Variants in TFG observed in about 807,000 individuals in gnomAD.
The protein encoded by TFG is trafficking from ER to golgi regulator.
TFG carries 22 observed loss-of-function variants against 51.4 expected under a neutral mutation model. The ratio of observed to expected loss-of-function variants is 0.43; its 90% CI spans 0.31 to 0.61. TFG has a LOEUF of 0.61. Ranked by LOEUF, TFG falls within the 20% of genes least tolerant of loss-of-function variation. The pLI, the probability that TFG is intolerant of heterozygous loss-of-function variation, is 0.12. For synonymous variants in TFG, 187 were observed against 165.6 expected (o/e 1.13, Z -0.99); for missense variants, 419 against 487.7 (o/e 0.86, Z 1.33).
At chr3:100,739,634 A>G (rs2095115894) in intron 6 of TFG, among the ~76,000 whole-genome samples, 1 of 152,212 alleles carries the variant, frequency 6.6e-6, no homozygotes, top group Non-Finnish European at 1.5e-5. Flanking sequence ...TAAATATTGA[A>G]ACATACATAG....
In TFG at chr3:100,720,161, A is replaced by C. The variant is rs181736342; in HGVS notation, c.268+103A>C. On this transcript the variant is annotated intron_variant, in intron 3 of 7. Transcript: ENST00000240851. ...GACTCAGGTAAGCAATAACTTATTCAAATATTATTACATTTATTTGTGTTC... is the reference window on the plus strand; with the variant it reads ...GACTCAGGTAAGCAATAACTTATTCCAATATTATTACATTTATTTGTGTTC... 12 of 633,538 alleles carry C rather than the reference A, an allele frequency of 1.9e-5. No homozygotes were observed. The East Asian group carries it at 3.7e-4, about 19-fold the overall frequency. 39.2% of individuals were successfully genotyped at this position (633,538 alleles called of 1,614,324 possible). A position where few individuals can be genotyped will look rare whatever the true frequency, so the allele number is the denominator to read the frequency against.
chr3:100,722,547 G>C (rs1171486187), intron 3 of TFG, among the ~76,000 whole-genome samples: 1 of 152,176 alleles, frequency 6.6e-6, no homozygotes, highest in Non-Finnish European at 1.5e-5. Flanking sequence ...CTTGAGCAGG[G>C]ATAAGTAAAA....
At chr3:100,712,636 C>T (rs2095034258) in intron 1 of TFG, among the ~76,000 whole-genome samples, 1 of 152,128 alleles carries the variant, frequency 6.6e-6, no homozygotes, top group Admixed American at 6.6e-5. Context: ...TGACTGTTGT[C>T]TGCTAGGCAC....
intron 3 of TFG, among the ~76,000 whole-genome samples, chr3:100,722,022 G>T (rs183606004): frequency 6.6e-6 from 1 of 152,166 alleles, no homozygotes; most frequent in African/African-American, 2.4e-5. Context: ...GTAGTGGTGT[G>T]TGCCTGTAGT....
chr3:100,740,098 G>A (rs1263676284), intron 6 of TFG, among the ~76,000 whole-genome samples: 1 of 149,232 alleles, frequency 6.7e-6, no homozygotes, highest in East Asian at 2.1e-4. Flanking sequence ...TTTTCTAATA[G>A]CCATTAGAAA....
chr3:100,731,520 T>A (rs1334349976), intron 4 of TFG, among the ~76,000 whole-genome samples: 1 of 152,180 alleles, frequency 6.6e-6, no homozygotes, highest in Non-Finnish European at 1.5e-5. Context: ...TTATAATGAA[T>A]CCCAGAAACC....
At chr3:100,724,101 A>G (rs2095068382) in intron 3 of TFG, among the ~76,000 whole-genome samples, 1 of 152,180 alleles carries the variant, frequency 6.6e-6, no homozygotes, top group Non-Finnish European at 1.5e-5. Context: ...AGAGAATGCT[A>G]AAGCTGTACT....
At chr3:100,719,462 T>G (rs1473015162) in intron 2 of TFG, among the ~76,000 whole-genome samples, 1 of 152,066 alleles carries the variant, frequency 6.6e-6, no homozygotes, top group African/African-American at 2.4e-5. Context: ...CTGGGGAGAG[T>G]TGATTGTTTT....
chr3:100,745,386 A>C (rs1295342429), intron 7 of TFG, among the ~76,000 whole-genome samples: 1 of 152,220 alleles, frequency 6.6e-6, no homozygotes, highest in East Asian at 1.9e-4. Context: ...CTTAGATTTT[A>C]AAATCTCTTG....
chr3:100,711,122 A>T (rs1053276725), intron 1 of TFG: 1 of 150,250 alleles, frequency 6.7e-6, no homozygotes, highest in African/African-American at 2.5e-5. Context: ...TTTTTTTGAG[A>T]CGGAGTCTGG....
At chr3:100,711,021 C>T (rs539042172) in intron 1 of TFG, 4 of 152,172 alleles carry the variant, frequency 2.6e-5, no homozygotes, top group South Asian at 4.1e-4. Context: ...TGGTTCCTGG[C>T]CACAAGATGT....
intron 3 of TFG, among the ~76,000 whole-genome samples, chr3:100,722,705 A>G (rs1327921594): frequency 6.6e-6 from 1 of 152,228 alleles, no homozygotes; most frequent in African/African-American, 2.4e-5. Flanking sequence ...AATAGAGGCT[A>G]AAAGACAGTA....
At chr3:100,745,590 C>T (rs763475850) in intron 7 of TFG, among the ~76,000 whole-genome samples, 1 of 152,060 alleles carries the variant, frequency 6.6e-6, no homozygotes, top group Non-Finnish European at 1.5e-5. Flanking sequence ...GGCTATAATT[C>T]CAGTATTTTT....
chr3:100,722,552 G>T (rs2095063762), intron 3 of TFG, among the ~76,000 whole-genome samples: 2 of 152,198 alleles, frequency 1.3e-5, no homozygotes, highest in African/African-American at 2.4e-5. Flanking sequence ...GCAGGGATAA[G>T]TAAAAGTAAA....
chr3:100,736,169 AAT>A (rs1164415982), intron 5 of TFG, among the ~76,000 whole-genome samples: 1 of 152,136 alleles, frequency 6.6e-6, no homozygotes, highest in African/African-American at 2.4e-5. Context: ...TGTGAGAAAT[AAT>A]GTTTGGACCC....
chr3:100,709,809 C>T (rs2095024278), intron 1 of TFG, 88 bp downstream of exon 1: 1 of 146,174 alleles, frequency 6.8e-6, no homozygotes, highest in Non-Finnish European at 1.5e-5. Flanking sequence ...GTTCGAACCG[C>T]GCGGCAGCTG....
At chr3:100,728,370 A>G (rs978161602) in intron 3 of TFG, among the ~76,000 whole-genome samples, 2 of 150,714 alleles carry the variant, frequency 1.3e-5, no homozygotes, top group Non-Finnish European at 3.0e-5. Flanking sequence ...ATAAATATTT[A>G]AGAACAGCAT....
intron 2 of TFG, 151 bp downstream of exon 2, chr3:100,714,020 C>T (rs2095038557): frequency 4.5e-6 from 2 of 441,652 alleles, no homozygotes; most frequent in African/African-American, 2.0e-5. Flanking sequence ...GCCTCGGCCT[C>T]CCAAAGTGCT....
chr3:100,723,226 C>A (rs2095065567), intron 3 of TFG, among the ~76,000 whole-genome samples: 1 of 151,728 alleles, frequency 6.6e-6, no homozygotes, highest in Non-Finnish European at 1.5e-5. Flanking sequence ...ATTGTAATTA[C>A]CTTTAGATTT....
Sources: allele counts gnomAD v4.1 joint callset (sites outside exome capture counted in the v4.1 genomes callset), GRCh38; gene constraint gnomAD v4.1.1; transcripts MANE v1.5; gene names NCBI Gene and HGNC (gene_info 2026-07-23, HGNC 2026-07-21).